Variants in NEGR1 observed in about 807,000 individuals in gnomAD.
The protein encoded by NEGR1 is IgLON family member 4.
Under a neutral mutation model 40.9 loss-of-function variants are expected in NEGR1, and 10 were observed. The observed-to-expected ratio is 0.24, with a 90% CI of 0.15 to 0.42. The LOEUF (loss-of-function observed/expected upper bound fraction) is 0.42. NEGR1 is among the 10% of genes least tolerant of loss of function. The probability of loss-of-function intolerance (pLI) is 1.00; values close to 1 mark genes in which losing one functional copy is unlikely to be tolerated. For missense variants in NEGR1, 352 were observed against 438.9 expected, an observed-to-expected ratio of 0.80 and a Z score of 1.77; for synonymous variants, 185 against 166.8, an observed-to-expected ratio of 1.11 and a Z score of -0.84.
intron 1 of NEGR1, among the ~76,000 whole-genome samples, chr1:72,042,915 G>A (rs948557355): frequency 2.0e-5 from 3 of 151,894 alleles, no homozygotes; most frequent in Non-Finnish European, 4.4e-5. Context: ...CAGATATGGG[G>A]CTAGAGATGG....
At chr1:72,128,334 A>G (rs1266196638) in intron 1 of NEGR1, among the ~76,000 whole-genome samples, 1 of 152,184 alleles carries the variant, frequency 6.6e-6, no homozygotes, top group Non-Finnish European at 1.5e-5. Flanking sequence ...GGTGTGGAAC[A>G]TTTGGGAAAG....
At chr1:72,049,019 G>A (rs1022071212) in intron 1 of NEGR1, among the ~76,000 whole-genome samples, 4 of 151,372 alleles carry the variant, frequency 2.6e-5, no homozygotes, top group South Asian at 2.1e-4. Context: ...AGGAAATTTG[G>A]GTGTCCACTT....
rs183455731 is a variant in NEGR1, at chr1:71,745,679, G to T, written c.535+30493C>A. ...CAGAAAACAATAACTCAAAGTGAAG[G>T]CTTAAAAAGCAGCCCCTCAGAAGCA... On this transcript the variant is annotated intron_variant, in intron 3 of 6. Transcript: ENST00000357731. Among the ~76,000 whole-genome samples the T allele has an allele frequency of 2.6e-4, 40 of 152,218 alleles. 1 individual carries two copies. The East Asian group carries it at 6.2e-3, about 24-fold the overall frequency.
intron 6 of NEGR1, among the ~76,000 whole-genome samples, chr1:71,455,602 T>A (rs539209622): frequency 3.1e-4 from 47 of 152,186 alleles, no homozygotes; most frequent in Non-Finnish European, 5.7e-4. Flanking sequence ...GCACGCACCT[T>A]TAGTCCCAGC....
At chr1:72,140,224 TTTGTTGTTG>T (rs59526560) in intron 1 of NEGR1, among the ~76,000 whole-genome samples, 9 of 150,720 alleles carry the variant, frequency 6.0e-5, no homozygotes, top group African/African-American at 1.5e-4. Context: ...GATAACTGTT[TTTGTTGTTG>T]TTGTTGTTGT....
chr1:71,609,514 C>A (rs1402666269), intron 5 of NEGR1, among the ~76,000 whole-genome samples: 2 of 24,098 alleles, frequency 8.3e-5, no homozygotes, highest in Non-Finnish European at 1.8e-4. Context: ...GACTCCGTCT[C>A]AAAAAAAAAA....
intron 4 of NEGR1, among the ~76,000 whole-genome samples, chr1:71,652,293 TACTC>T (rs1390118578): frequency 3.9e-5 from 6 of 152,228 alleles, no homozygotes; most frequent in Admixed American, 2.6e-4. Context: ...CACTATCAAT[TACTC>T]AGTCTTTGGT....
intron 1 of NEGR1, among the ~76,000 whole-genome samples, chr1:71,967,588 T>A (rs1426409617): frequency 2.6e-5 from 4 of 152,180 alleles, no homozygotes; most frequent in African/African-American, 9.6e-5. Flanking sequence ...AACCTTATAA[T>A]TATACATATA....
intron 4 of NEGR1, among the ~76,000 whole-genome samples, chr1:71,686,583 T>A (rs1370716850): frequency 6.6e-6 from 1 of 152,174 alleles, no homozygotes; most frequent in East Asian, 1.9e-4. Context: ...TCTGCTTACA[T>A]TTCTTGCACT....
chr1:72,255,636 G>A (rs1053909450), intron 1 of NEGR1, among the ~76,000 whole-genome samples: 14 of 143,380 alleles, frequency 9.8e-5, no homozygotes, highest in African/African-American at 3.3e-4. Flanking sequence ...TGCAACCTCC[G>A]CCCTCCCGGG....
At chr1:71,790,707 C>T (rs1002968174) in intron 2 of NEGR1, among the ~76,000 whole-genome samples, 2 of 151,996 alleles carry the variant, frequency 1.3e-5, no homozygotes, top group African/African-American at 4.8e-5. Context: ...ACATGGTTTC[C>T]AGAGACTATG....
intron 3 of NEGR1, among the ~76,000 whole-genome samples, chr1:71,768,000 T>C (rs1163456103): frequency 6.6e-6 from 1 of 152,184 alleles, no homozygotes; most frequent in African/African-American, 2.4e-5. Context: ...AGCCTCTGCT[T>C]AGATTTCAAA....
At chr1:72,020,995 T>C (rs538549685) in intron 1 of NEGR1, among the ~76,000 whole-genome samples, 1 of 152,168 alleles carries the variant, frequency 6.6e-6, no homozygotes, top group Admixed American at 6.5e-5. Context: ...TTACTGATAG[T>C]TGGAAATAAC....
chr1:72,225,619 C>A (rs1654167168), intron 1 of NEGR1, among the ~76,000 whole-genome samples: 1 of 151,104 alleles, frequency 6.6e-6, no homozygotes, highest in Non-Finnish European at 1.5e-5. Flanking sequence ...CTAAATAGAT[C>A]CTATTCATGA....
chr1:72,217,787 T>C (rs1653872965), intron 1 of NEGR1, among the ~76,000 whole-genome samples: 1 of 151,798 alleles, frequency 6.6e-6, no homozygotes, highest in Non-Finnish European at 1.5e-5. Flanking sequence ...GTTATAAAAC[T>C]TTTATGATTT....
chr1:71,835,486 C>G (rs572989664), intron 2 of NEGR1, among the ~76,000 whole-genome samples: 1 of 152,078 alleles, frequency 6.6e-6, no homozygotes, highest in Non-Finnish European at 1.5e-5. Context: ...CTCTCTACTT[C>G]CTTATTATAC....
chr1:71,876,560 G>T (rs78591200), intron 2 of NEGR1, among the ~76,000 whole-genome samples: 1,909 of 150,798 alleles, frequency 0.013, 15 homozygotes, highest in Admixed American at 0.021. Flanking sequence ...AGAGGAGAAG[G>T]AAGGAAGGAA....
chr1:72,278,950 T>C (rs1316984917), intron 1 of NEGR1, among the ~76,000 whole-genome samples: 3 of 152,102 alleles, frequency 2.0e-5, no homozygotes, highest in Admixed American at 1.3e-4. Flanking sequence ...CATTACTATA[T>C]TGAATATCTG....
At position 71,810,034 on chromosome 1, in the gene NEGR1, T is replaced by C. The variant is rs1018519829; in HGVS notation, c.410-33737A>G. 2.6e-5 allele frequency among the ~76,000 whole-genome samples: 4 copies of C among 152,172 alleles called. No homozygotes were observed. In the South Asian group the frequency reaches 6.2e-4, roughly 24 times the overall value. Reference sequence around the variant, plus strand: ...ACTGCAATGGTTGATCCAGATGAAGTTGGTTATGAACCATAAGCTGCTCAT... The same window carrying C: ...ACTGCAATGGTTGATCCAGATGAAGCTGGTTATGAACCATAAGCTGCTCAT... On this transcript the variant is annotated intron_variant, in intron 2 of 6. Coordinates refer to ENST00000357731, the MANE Select transcript of NEGR1 (RefSeq NM_173808.3).
Sources: gnomAD v4.1 joint callset for allele counts (sites outside exome capture counted in the v4.1 genomes callset) on GRCh38, gnomAD v4.1.1 for gene constraint, MANE v1.5 for transcripts, NCBI Gene and HGNC (gene_info 2026-07-23, HGNC 2026-07-21) for gene names.